The following DOK6 variants were observed in gnomAD, a reference collection of about 807,000 sequenced individuals.
DOK6 encodes the protein downstream of tyrosine kinase 6.
DOK6 carries 22 observed loss-of-function variants against 44.0 expected under a neutral mutation model. That is an observed-to-expected ratio of 0.50 (90% confidence interval 0.36 to 0.71). The LOEUF (loss-of-function observed/expected upper bound fraction) is 0.71, where lower values mean the gene tolerates loss of function less well. DOK6 is among the 30% of genes least tolerant of loss of function. The probability of loss-of-function intolerance (pLI) is 0.00; values close to 1 mark genes in which losing one functional copy is unlikely to be tolerated. For synonymous variants in DOK6, 166 were observed against 145.5 expected (o/e 1.14, Z -1.01); for missense variants, 340 against 416.4 (o/e 0.82, Z 1.60).
chr18:69,637,736 CT>C (rs5825958), intron 3 of DOK6, among the ~76,000 whole-genome samples: 129,345 of 151,802 alleles, frequency 0.85, 56,147 homozygotes, highest in East Asian at 0.95. Context: ...TATTCTCTCT[CT>C]TTTTTTTTAA....
intron 5 of DOK6, among the ~76,000 whole-genome samples, chr18:69,706,850 C>T (rs887487944): frequency 3.3e-5 from 5 of 151,808 alleles, no homozygotes; most frequent in Non-Finnish European, 4.4e-5. Flanking sequence ...CATGTCCCTA[C>T]AAAGGACATG....
In DOK6 at chr18:69,698,556, G is replaced by T. The variant is rs766198992; in HGVS notation, c.562G>T (p.Gly188Cys). ...GCCTCTCAGCTCACTGAGGAGATAC[G>T]GTCGGGACTCAACGTGGTTCACGTT... ...MWPLSSLRRYGRDSTWFTFES... is the reference protein window; with the variant it reads ...MWPLSSLRRYCRDSTWFTFES... Residue 188 changes from glycine (G) to cysteine (C), a missense_variant, in exon 5 of 8, where the codon GGT (glycine) becomes TGT (cysteine). By Grantham distance (159) the Gly-to-Cys change is radical (BLOSUM62 -3). Coordinates refer to ENST00000382713, the MANE Select transcript of DOK6 (RefSeq NM_152721.6). The T allele has an allele frequency of 6.2e-7, 1 of 1,614,010 alleles. No homozygotes were observed.
chr18:69,698,310 C>T (rs1986433004), intron 4 of DOK6, 94 bp from the exon 5 acceptor site: 1 of 1,144,720 alleles, frequency 8.7e-7, no homozygotes, highest in Non-Finnish European at 1.2e-6. Context: ...GGTCATGTTT[C>T]CTGCAGTCTG....
chr18:69,545,439 T>TCC lies in DOK6; in HGVS notation c.67-19048_67-19047insCC, dbSNP rs1236663643. On this transcript the variant is annotated intron_variant, in intron 1 of 7. Coordinates refer to ENST00000382713, the MANE Select transcript of DOK6 (RefSeq NM_152721.6). ...TCTGTCTGTAAATTTAAGCCATGTG[T>TCC]GTATTTTCTCCTGGTATTTCATTGA... Among the ~76,000 whole-genome samples, 3 of 149,596 alleles carry TCC rather than the reference T, an allele frequency of 2.0e-5. No individual in the cohort carries two copies. The East Asian group carries it at 5.9e-4, about 29-fold the overall frequency.
At chr18:69,673,472 GACACCAT>G (rs1417745709) in intron 3 of DOK6, among the ~76,000 whole-genome samples, 22 of 152,202 alleles carry the variant, frequency 1.4e-4, no homozygotes, top group African/African-American at 4.8e-4. Flanking sequence ...TGTATTGTAA[GACACCAT>G]ACTTTCCCCA....
intron 1 of DOK6, among the ~76,000 whole-genome samples, chr18:69,409,943 G>A (rs1275422378): frequency 1.3e-5 from 2 of 152,092 alleles, no homozygotes; most frequent in African/African-American, 4.8e-5. Context: ...GGGTAGTTCT[G>A]TAGAAAGCAT....
chr18:69,500,669 C>T (rs1981023361), intron 1 of DOK6, among the ~76,000 whole-genome samples: 1 of 152,048 alleles, frequency 6.6e-6, no homozygotes, highest in Non-Finnish European at 1.5e-5. Flanking sequence ...ATGTATGTTA[C>T]TGGCAATATA....
intron 1 of DOK6, among the ~76,000 whole-genome samples, chr18:69,427,946 T>C (rs1978689700): frequency 6.6e-6 from 1 of 151,968 alleles, no homozygotes; most frequent in Admixed American, 6.6e-5. Flanking sequence ...CCCAGCTAAT[T>C]TTTGTATTTT....
chr18:69,705,667 A>C (rs904765633), intron 5 of DOK6, among the ~76,000 whole-genome samples: 2 of 152,196 alleles, frequency 1.3e-5, no homozygotes, highest in Non-Finnish European at 2.9e-5. Flanking sequence ...TGGTTTTGTC[A>C]CTTAAAAACA....
At chr18:69,833,872 A>G (rs537145494) in intron 7 of DOK6, among the ~76,000 whole-genome samples, 1 of 152,214 alleles carries the variant, frequency 6.6e-6, no homozygotes, top group Non-Finnish European at 1.5e-5. Flanking sequence ...ATCTCACCCC[A>G]CTTAAACTGT....
chr18:69,723,355 C>T (rs1221195198), intron 5 of DOK6, among the ~76,000 whole-genome samples: 1 of 152,160 alleles, frequency 6.6e-6, no homozygotes, highest in Non-Finnish European at 1.5e-5. Flanking sequence ...TTCCCTTCTC[C>T]ATTGTTGTCT....
At chr18:69,555,732 TTC>T (rs1342240436) in intron 1 of DOK6, among the ~76,000 whole-genome samples, 1 of 152,222 alleles carries the variant, frequency 6.6e-6, no homozygotes, top group African/African-American at 2.4e-5. Flanking sequence ...TATAATCAGT[TTC>T]TCTCATGTTC....
intron 3 of DOK6, among the ~76,000 whole-genome samples, chr18:69,640,282 C>T (rs142251526): frequency 6.7e-4 from 102 of 152,280 alleles, no homozygotes; most frequent in African/African-American, 2.3e-3. Flanking sequence ...AAATACATCT[C>T]AAAGAGAATC....
intron 1 of DOK6, among the ~76,000 whole-genome samples, chr18:69,450,000 C>T (rs1348268308): frequency 6.7e-5 from 8 of 118,796 alleles, no homozygotes; most frequent in South Asian, 2.9e-4. Context: ...AAACACAGAG[C>T]GCCTCTCCTC....
chr18:69,691,369 G>C (rs767510373), intron 4 of DOK6, among the ~76,000 whole-genome samples: 1 of 152,022 alleles, frequency 6.6e-6, no homozygotes, highest in Non-Finnish European at 1.5e-5. Flanking sequence ...GGGCAGAAAG[G>C]AGAGAATATT....
At chr18:69,775,565 A>G (rs2144770149) in intron 7 of DOK6, among the ~76,000 whole-genome samples, 1 of 151,944 alleles carries the variant, frequency 6.6e-6, no homozygotes, top group South Asian at 2.1e-4. Context: ...AAACAAGTAA[A>G]TAGGAGAAAA....
At chr18:69,608,354 A>C (rs1453693955) in intron 3 of DOK6, among the ~76,000 whole-genome samples, 1 of 152,178 alleles carries the variant, frequency 6.6e-6, no homozygotes, top group Non-Finnish European at 1.5e-5. Flanking sequence ...ATTCTGTTCC[A>C]TCAGTCTATA....
chr18:69,827,978 G>T (rs942397443), intron 7 of DOK6, among the ~76,000 whole-genome samples: 3 of 151,684 alleles, frequency 2.0e-5, no homozygotes, highest in African/African-American at 7.3e-5. Flanking sequence ...TTGATTTGTA[G>T]GACATTAATA....
chr18:69,731,510 T>C (rs933821064), intron 5 of DOK6, among the ~76,000 whole-genome samples: 5 of 152,200 alleles, frequency 3.3e-5, no homozygotes, highest in African/African-American at 1.2e-4. Flanking sequence ...TCTATTTGGC[T>C]ATGATACTTC....
Sources: allele counts gnomAD v4.1 joint callset (sites outside exome capture counted in the v4.1 genomes callset), GRCh38; gene constraint gnomAD v4.1.1; transcripts MANE v1.5; gene names NCBI Gene and HGNC (gene_info 2026-07-23, HGNC 2026-07-21).